FGD4: variants seen among roughly 807,000 people sequenced by gnomAD.
FGD4 encodes the protein FYVE, RhoGEF and PH domain containing 4.
A neutral mutation model predicts 102.0 loss-of-function variants in FGD4; 42 were observed. The observed-to-expected ratio is 0.41, with a 90% CI of 0.32 to 0.53. The LOEUF (loss-of-function observed/expected upper bound fraction) is 0.53, where lower values mean the gene tolerates loss of function less well. FGD4 is among the 20% of genes least tolerant of loss of function. The pLI, the probability that FGD4 is intolerant of heterozygous loss-of-function variation, is 0.21. For synonymous variants in FGD4, 380 were observed against 375.7 expected (o/e 1.01, Z -0.13); for missense variants, 902 against 1,078.2 (o/e 0.84, Z 2.29).
chr12:32,445,282 G>A (rs756983117), intron 1 of FGD4, among the ~76,000 whole-genome samples: 3 of 152,196 alleles, frequency 2.0e-5, no homozygotes, highest in African/African-American at 4.8e-5. Flanking sequence ...TATTCATAAT[G>A]TGACTGTTTT....
intron 1 of FGD4, among the ~76,000 whole-genome samples, chr12:32,407,189 GATCTC>G (rs1940975968): frequency 7.3e-6 from 1 of 136,304 alleles, no homozygotes; most frequent in South Asian, 2.3e-4. Flanking sequence ...GCAATGGCAC[GATCTC>G]GGCTCACTGC....
At chr12:32,591,190 T>C (rs1259063712) in intron 4 of FGD4, among the ~76,000 whole-genome samples, 1 of 152,098 alleles carries the variant, frequency 6.6e-6, no homozygotes, top group Non-Finnish European at 1.5e-5. Flanking sequence ...ATTATCTAAC[T>C]GACAGCAGAT....
intron 1 of FGD4, among the ~76,000 whole-genome samples, chr12:32,437,193 A>G (rs1203994849): frequency 6.6e-6 from 1 of 152,098 alleles, no homozygotes; most frequent in Non-Finnish European, 1.5e-5. Flanking sequence ...ATGTAAATAC[A>G]TTCTCTTTCG....
chr12:32,454,008 G>A (rs77486628), intron 1 of FGD4, among the ~76,000 whole-genome samples: 5,802 of 151,944 alleles, frequency 0.038, 174 homozygotes, highest in South Asian at 0.12. Context: ...TTGTGGACTC[G>A]ATTTCTGTGA....
intron 5 of FGD4, among the ~76,000 whole-genome samples, chr12:32,600,009 A>T (rs540186858): frequency 3.9e-5 from 6 of 152,174 alleles, no homozygotes; most frequent in Non-Finnish European, 8.8e-5. Context: ...GAAACAGGCA[A>T]TCCTGTGCAT....
chr12:32,522,503 C>T (rs1194656109), intron 1 of FGD4, among the ~76,000 whole-genome samples: 1 of 152,158 alleles, frequency 6.6e-6, no homozygotes, highest in African/African-American at 2.4e-5. Context: ...GAAAGCCTTC[C>T]TTCTTCTCTC....
chr12:32,630,182 C>A (rs1385391877), intron 14 of FGD4, among the ~76,000 whole-genome samples: 1 of 152,166 alleles, frequency 6.6e-6, no homozygotes, highest in Admixed American at 6.5e-5. Context: ...TTGGAAAATT[C>A]TCTTACTTTA....
At chr12:32,512,781 G>T (rs915376217) in intron 1 of FGD4, among the ~76,000 whole-genome samples, 1 of 152,104 alleles carries the variant, frequency 6.6e-6, no homozygotes, top group Non-Finnish European at 1.5e-5. Context: ...GAAGTGAAGA[G>T]CCTGTATTCT....
chr12:32,563,098 C>A (rs1273566831), intron 1 of FGD4, among the ~76,000 whole-genome samples: 2 of 147,524 alleles, frequency 1.4e-5, no homozygotes, highest in African/African-American at 2.5e-5. Context: ...GGGGCTGACC[C>A]CCCCCACCTC....
In FGD4 at chr12:32,532,952, C is replaced by T. The variant is rs555898729; in HGVS notation, c.167-31185C>T. Among the ~76,000 whole-genome samples, 7 of 152,338 alleles carry T rather than the reference C, an allele frequency of 4.6e-5. No individual in the cohort carries two copies. The East Asian group carries it at 1.3e-3, about 29-fold the overall frequency. ...GTACCACTTTCATTAGAATGATTGA[C>T]AACCTTTGTGTCCTGATGGGGAGCT... On this transcript the variant is annotated intron_variant, in intron 1 of 16. Coordinates refer to ENST00000534526, the MANE Select transcript of FGD4 (RefSeq NM_001370298.3).
At chr12:32,405,599 G>T (rs1451033333) in intron 1 of FGD4, among the ~76,000 whole-genome samples, 1 of 152,114 alleles carries the variant, frequency 6.6e-6, no homozygotes, top group Non-Finnish European at 1.5e-5. Flanking sequence ...TAAACTTGTG[G>T]ACCTAAGAGC....
intron 1 of FGD4, among the ~76,000 whole-genome samples, chr12:32,410,206 C>T (rs1212610228): frequency 9.9e-5 from 15 of 151,944 alleles, no homozygotes; most frequent in African/African-American, 3.4e-4. Context: ...CGGGCGCCTG[C>T]AGTCCCAGCT....
At chr12:32,523,355 C>CAT (rs1298093628) in intron 1 of FGD4, among the ~76,000 whole-genome samples, 1 of 152,206 alleles carries the variant, frequency 6.6e-6, no homozygotes, top group Non-Finnish European at 1.5e-5. Flanking sequence ...GCATTAAATA[C>CAT]ATTTATATTG....
chr12:32,565,296 T>G (rs1174890282), intron 2 of FGD4, among the ~76,000 whole-genome samples: 3 of 152,176 alleles, frequency 2.0e-5, no homozygotes, highest in Admixed American at 2.0e-4. Flanking sequence ...ACAATTATAT[T>G]TGTGGTGGTA....
intron 4 of FGD4, among the ~76,000 whole-genome samples, chr12:32,584,008 G>A (rs1005209108): frequency 6.6e-6 from 1 of 152,186 alleles, no homozygotes; most frequent in Non-Finnish European, 1.5e-5. Flanking sequence ...TTGTTGGATG[G>A]TACTTTTTCT....
At chr12:32,503,778 TGTCA>T (rs1398918956) in intron 1 of FGD4, among the ~76,000 whole-genome samples, 1 of 152,272 alleles carries the variant, frequency 6.6e-6, no homozygotes, top group East Asian at 1.9e-4. Context: ...CACCCATAAA[TGTCA>T]GTCTTTCATA....
intron 1 of FGD4, among the ~76,000 whole-genome samples, chr12:32,551,835 TATTATGA>T (rs1292530607): frequency 6.6e-6 from 1 of 152,222 alleles, no homozygotes; most frequent in Non-Finnish European, 1.5e-5. Flanking sequence ...AGCTCAAAAC[TATTATGA>T]ATCTTAGGCT....
intron 4 of FGD4, 119 bp from the exon 5 acceptor site, chr12:32,598,378 G>A (rs1001366200): frequency 1.2e-5 from 8 of 681,798 alleles, no homozygotes; most frequent in South Asian, 3.9e-5. Flanking sequence ...TGAAAGAACC[G>A]AGTAACTGAA....
At chr12:32,602,937 T>C (rs1391601028) in intron 7 of FGD4, among the ~76,000 whole-genome samples, 1 of 152,210 alleles carries the variant, frequency 6.6e-6, no homozygotes, top group Non-Finnish European at 1.5e-5. Flanking sequence ...CCATTTTAAT[T>C]CCTCTAATTG....
Sources: allele counts gnomAD v4.1 joint callset (sites outside exome capture counted in the v4.1 genomes callset), GRCh38; gene constraint gnomAD v4.1.1; transcripts MANE v1.5; gene names NCBI Gene and HGNC (gene_info 2026-07-23, HGNC 2026-07-21).